The following EPHA6 variants were observed in gnomAD, a reference collection of about 807,000 sequenced individuals.
EPHA6 encodes the protein ephrin type-A receptor 6.
In EPHA6, 50 loss-of-function variants were observed where a neutral mutation model predicts 112.0. That is an observed-to-expected ratio of 0.45 (90% confidence interval 0.36 to 0.56). The LOEUF is 0.56. EPHA6 is among the 20% of genes least tolerant of loss of function. The pLI, the probability that EPHA6 is intolerant of heterozygous loss-of-function variation, is 0.00. For missense variants in EPHA6, 1,280 were observed against 1,417.4 expected (o/e 0.90, Z 1.56); for synonymous variants, 529 against 490.7 (o/e 1.08, Z -1.03).
chr3:97,304,498 T>G (rs1434077970), intron 5 of EPHA6, among the ~76,000 whole-genome samples: 1 of 150,136 alleles, frequency 6.7e-6, no homozygotes, highest in Non-Finnish European at 1.5e-5. Context: ...CAAACTATAC[T>G]ACAAGGCTAC....
intron 14 of EPHA6, among the ~76,000 whole-genome samples, chr3:97,664,443 T>A (rs575360094): frequency 7.9e-5 from 12 of 152,280 alleles, no homozygotes; most frequent in Admixed American, 2.6e-4. Flanking sequence ...CCACTCCTAT[T>A]CAACATAGTG....
At chr3:97,145,141 T>C (rs1031267502) in intron 3 of EPHA6, among the ~76,000 whole-genome samples, 1 of 151,490 alleles carries the variant, frequency 6.6e-6, no homozygotes, top group African/African-American at 2.4e-5. Flanking sequence ...TTTAACTTCA[T>C]ATTAAGGTAA....
chr3:97,027,887 T>C (rs1355806903), intron 3 of EPHA6, among the ~76,000 whole-genome samples: 1 of 152,158 alleles, frequency 6.6e-6, no homozygotes, highest in African/African-American at 2.4e-5. Flanking sequence ...AAGAATGATA[T>C]GCAATTGGGA....
chr3:96,880,728 T>A (rs1034792530), intron 2 of EPHA6, among the ~76,000 whole-genome samples: 4 of 152,166 alleles, frequency 2.6e-5, no homozygotes, highest in African/African-American at 7.2e-5. Flanking sequence ...CTAATCTGTT[T>A]TTTATCTCTG....
intron 14 of EPHA6, among the ~76,000 whole-genome samples, chr3:97,704,334 C>T (rs2033561205): frequency 6.6e-6 from 1 of 152,136 alleles, no homozygotes; most frequent in South Asian, 2.1e-4. Context: ...TCACCCAATC[C>T]ATTGAGACCT....
At chr3:97,710,514 C>T (rs1260819376) in intron 14 of EPHA6, among the ~76,000 whole-genome samples, 1 of 152,214 alleles carries the variant, frequency 6.6e-6, no homozygotes, top group African/African-American at 2.4e-5. Flanking sequence ...CAACTGAGCT[C>T]TGCACTAACA....
chr3:97,239,645 T>C (rs910237024), intron 4 of EPHA6, among the ~76,000 whole-genome samples: 5 of 151,846 alleles, frequency 3.3e-5, no homozygotes, highest in African/African-American at 4.8e-5. Context: ...GATGAAGGTC[T>C]TTGCCCTCAT....
At chr3:97,008,913 G>A (rs766484913) in intron 3 of EPHA6, among the ~76,000 whole-genome samples, 2 of 151,956 alleles carry the variant, frequency 1.3e-5, no homozygotes, top group African/African-American at 2.4e-5. Context: ...TTTGTTGGGG[G>A]TTTACTTCAT....
intron 3 of EPHA6, among the ~76,000 whole-genome samples, chr3:97,007,858 A>G (rs1388785524): frequency 6.6e-6 from 1 of 152,184 alleles, no homozygotes; most frequent in African/African-American, 2.4e-5. Flanking sequence ...TCCTTTGCTT[A>G]AGAAACTTAG....
At chr3:97,456,643 T>C (rs941920242) in intron 7 of EPHA6, among the ~76,000 whole-genome samples, 23 of 152,184 alleles carry the variant, frequency 1.5e-4, no homozygotes, top group African/African-American at 5.1e-4. Context: ...AGCAATCTGC[T>C]GAATGCTAAG....
chr3:97,287,154 G>C (rs973407592), intron 5 of EPHA6, among the ~76,000 whole-genome samples: 4 of 152,014 alleles, frequency 2.6e-5, no homozygotes, highest in African/African-American at 9.7e-5. Flanking sequence ...GGAGTGTTTA[G>C]GTATTTTTAT....
At chr3:97,596,875 A>AATATATATATATATATATATATATAT (rs62670860) in intron 12 of EPHA6, among the ~76,000 whole-genome samples, 15 of 100,372 alleles carry the variant, frequency 1.5e-4, no homozygotes, top group African/African-American at 2.3e-4. Flanking sequence ...ATATCTATGG[A>AATATATATATATATATATATATATAT]ATATATATAT....
chr3:97,611,267 A>G (rs1405179570), intron 13 of EPHA6, among the ~76,000 whole-genome samples: 1 of 151,854 alleles, frequency 6.6e-6, no homozygotes, highest in Non-Finnish European at 1.5e-5. Context: ...TTTACCAACA[A>G]TGACTCAAGT....
At chr3:97,314,776 A>C (rs1021242941) in intron 5 of EPHA6, among the ~76,000 whole-genome samples, 1 of 151,570 alleles carries the variant, frequency 6.6e-6, no homozygotes, top group Non-Finnish European at 1.5e-5. Flanking sequence ...AGATGGTCAA[A>C]ATTAGATAAT....
chr3:97,699,927 C>T (rs1280983056), intron 14 of EPHA6, among the ~76,000 whole-genome samples: 1 of 152,166 alleles, frequency 6.6e-6, no homozygotes, highest in Non-Finnish European at 1.5e-5. Context: ...TGGCAATTGC[C>T]TCAGCCCAAG....
intron 3 of EPHA6, among the ~76,000 whole-genome samples, chr3:97,038,115 G>C (rs1223032044): frequency 1.3e-5 from 2 of 151,824 alleles, no homozygotes; most frequent in Non-Finnish European, 2.9e-5. Context: ...CAGAGTAATT[G>C]GGATATCCTT....
At position 97,476,730 on chromosome 3, in the gene EPHA6, A is replaced by C. The variant is rs577329019; in HGVS notation, c.2003+1270A>C. ...ATATAGTTGTAACAAACCTCCTTTT[A>C]TAGAATTTACCGAGGAAAAAAGCAG... On this transcript the variant is annotated intron_variant, in intron 8 of 17. Coordinates refer to ENST00000389672, the MANE Select transcript of EPHA6 (RefSeq NM_001080448.3). Among the ~76,000 whole-genome samples, 150 of 152,244 alleles carry C rather than the reference A, an allele frequency of 9.9e-4. 1 individual carries two copies. Among genetic ancestry groups the C allele is most frequent in the Non-Finnish European group, 1.5e-3 (105 of 68,002 alleles).
At chr3:96,823,327 G>A (rs79223082) in intron 1 of EPHA6, among the ~76,000 whole-genome samples, 3,848 of 151,716 alleles carry the variant, frequency 0.025, 167 homozygotes, top group African/African-American at 0.086. Flanking sequence ...AAGAAAAACA[G>A]AGTCAGGAGA....
intron 3 of EPHA6, among the ~76,000 whole-genome samples, chr3:97,219,207 T>C (rs2078120819): frequency 6.6e-6 from 1 of 152,098 alleles, no homozygotes; most frequent in Non-Finnish European, 1.5e-5. Flanking sequence ...TCTACCATTC[T>C]GGGGTTTAGT....
Sources: allele counts gnomAD v4.1 joint callset (sites outside exome capture counted in the v4.1 genomes callset), GRCh38; gene constraint gnomAD v4.1.1; transcripts MANE v1.5; gene names NCBI Gene and HGNC (gene_info 2026-07-23, HGNC 2026-07-21).